ABCD3: variants seen among roughly 807,000 people sequenced by gnomAD.
The protein encoded by ABCD3 is ATP-binding cassette sub-family D member 3.
Under a neutral mutation model 105.5 loss-of-function variants are expected in ABCD3, and 41 were observed. That is an observed-to-expected ratio of 0.39 (90% CI 0.30 to 0.50). ABCD3 has a LOEUF of 0.50. ABCD3 is among the 20% of genes least tolerant of loss of function. The pLI, the probability that ABCD3 is intolerant of heterozygous loss-of-function variation, is 0.84. For missense variants in ABCD3, 622 were observed against 806.3 expected, an observed-to-expected ratio of 0.77 and a Z score of 2.77; for synonymous variants, 258 against 269.0, an observed-to-expected ratio of 0.96 and a Z score of 0.40.
At chr1:94,488,589 A>G (rs1269865436) in intron 13 of ABCD3, among the ~76,000 whole-genome samples, 2 of 152,064 alleles carry the variant, frequency 1.3e-5, no homozygotes, top group African/African-American at 4.8e-5. Flanking sequence ...AAGAAGTTTG[A>G]TGACTGAATA....
intron 1 of ABCD3, among the ~76,000 whole-genome samples, chr1:94,419,717 AG>A (rs1659182197): frequency 1.3e-5 from 2 of 152,140 alleles, no homozygotes; most frequent in Admixed American, 1.3e-4. Flanking sequence ...CTTTCCATTA[AG>A]TTCTTTCTAG....
At chr1:94,424,480 T>C (rs1659389570) in intron 1 of ABCD3, among the ~76,000 whole-genome samples, 1 of 152,150 alleles carries the variant, frequency 6.6e-6, no homozygotes, top group South Asian at 2.1e-4. Flanking sequence ...TGGAGTGTAA[T>C]GGCACCATCT....
At chr1:94,473,294 C>G (rs920976419) in intron 4 of ABCD3, among the ~76,000 whole-genome samples, 4 of 152,148 alleles carry the variant, frequency 2.6e-5, no homozygotes, top group Non-Finnish European at 5.9e-5. Flanking sequence ...TGCACAAAGC[C>G]TAAAATATTT....
the ABCD3 span, among the ~76,000 whole-genome samples, chr1:94,410,433 T>G: frequency 6.6e-6 from 1 of 152,252 alleles, no homozygotes; most frequent in Non-Finnish European, 1.5e-5. Flanking sequence ...TTATATTTTC[T>G]GTCTAAAATT....
At position 94,499,049 on chromosome 1, in the gene ABCD3, A is replaced by G. The variant is rs1160948613; in HGVS notation, c.1620+15A>G. 5 of 1,584,178 alleles carry G rather than the reference A, an allele frequency of 3.2e-6. No homozygotes were observed. The highest frequency in any genetic ancestry group is 1.1e-5 in the South Asian group (1 of 90,408). Reference sequence around the variant, plus strand: ...TTTCTGACCTAGTAAGGGAATGTTTATATCCTAGATCCACTGAAAATACTC... The same window carrying G: ...TTTCTGACCTAGTAAGGGAATGTTTGTATCCTAGATCCACTGAAAATACTC... On this transcript the variant is annotated intron_variant, in intron 19 of 22. Transcript: ENST00000370214.
chr1:94,404,896 GC>G, the ABCD3 span, among the ~76,000 whole-genome samples: 1 of 147,268 alleles, frequency 6.8e-6, no homozygotes, highest in East Asian at 2.0e-4. Context: ...CTGATATTGC[GC>G]CGCTGCACTG....
chr1:94,473,625 A>G (rs1257260165), intron 4 of ABCD3, 141 bp from the exon 5 acceptor site: 1 of 694,146 alleles, frequency 1.4e-6, no homozygotes, highest in African/African-American at 1.8e-5. Flanking sequence ...TTTTGCAAAA[A>G]AGTGGTTTTT....
rs113141233 is a variant in ABCD3, at chr1:94,460,353, A to G, written c.147+1710A>G. Among the ~76,000 whole-genome samples the G allele has an allele frequency of 9.3e-3, 1,414 of 152,224 alleles. 27 individuals carry two copies. Among genetic ancestry groups the G allele is most frequent in the African/African-American group, 0.033 (1,368 of 41,538 alleles). On this transcript the variant is annotated intron_variant, in intron 2 of 22. Transcript: ENST00000370214. Reference sequence around the variant, plus strand: ...AACTGCTGATAGTATTGACTATGTAAGGACCAAGGAGATTGCTCTGTGACA... The same window carrying G: ...AACTGCTGATAGTATTGACTATGTAGGGACCAAGGAGATTGCTCTGTGACA...
chr1:94,467,904 C>T lies in ABCD3; in HGVS notation c.247-15C>T. 1 of 1,573,468 alleles carries T rather than the reference C, an allele frequency of 6.4e-7. No individual in the cohort carries two copies. Among genetic ancestry groups the T allele is most frequent in the Non-Finnish European group, 8.7e-7 (1 of 1,143,994 alleles). Reference sequence around the variant, plus strand: ...AAATGCATGTATTTAATTTACTATACCTGGTTTATTTTAGACAGGTTACTT... The same window carrying T: ...AAATGCATGTATTTAATTTACTATATCTGGTTTATTTTAGACAGGTTACTT... On this transcript the variant is annotated splice_polypyrimidine_tract_variant and intron_variant, in intron 3 of 22. Transcript: ENST00000370214.
At chr1:94,392,411 G>C in the ABCD3 span, among the ~76,000 whole-genome samples, 2 of 152,354 alleles carry the variant, frequency 1.3e-5, no homozygotes, top group East Asian at 3.9e-4. Context: ...ACATGAGCAA[G>C]AAATTATGTG....
At chr1:94,483,483 A>T (rs189511903) in intron 10 of ABCD3, among the ~76,000 whole-genome samples, 5 of 152,324 alleles carry the variant, frequency 3.3e-5, no homozygotes, top group African/African-American at 1.2e-4. Context: ...AGATTTATTA[A>T]AATAATATTA....
chr1:94,466,572 C>T (rs998878216), intron 3 of ABCD3, among the ~76,000 whole-genome samples: 2 of 152,182 alleles, frequency 1.3e-5, no homozygotes, highest in African/African-American at 4.8e-5. Context: ...AACATCATGT[C>T]TGTGACATCC....
rs1439045726 is a variant in ABCD3 at position 94,486,945 on chromosome 1, A to C, written c.898-597A>C. On this transcript the variant is annotated intron_variant, in intron 10 of 22. Transcript: ENST00000370214. ...GGACCTTGAATAATCTGGTAGATGG[A>C]CAGTTTGAGAACACTACAACTCCAG... Among the ~76,000 whole-genome samples, 2 of 152,228 alleles carry C rather than the reference A, an allele frequency of 1.3e-5. 1 individual carries two copies. Among genetic ancestry groups the C allele is most frequent in the Non-Finnish European group, 2.9e-5 (2 of 68,038 alleles).
intron 21 of ABCD3, 69 bp from the exon 22 acceptor site, chr1:94,515,077 A>T: frequency 8.1e-7 from 1 of 1,236,070 alleles, no homozygotes; most frequent in Non-Finnish European, 1.2e-6. Context: ...TTAACAGCTT[A>T]AAGTACATGG....
chr1:94,505,371 ATTT>A (rs71097204), intron 20 of ABCD3, among the ~76,000 whole-genome samples: 44 of 118,834 alleles, frequency 3.7e-4, no homozygotes, highest in African/African-American at 8.6e-4. Context: ...TGCTTGGCTA[ATTT>A]TTTTTTTTTT....
the ABCD3 span, among the ~76,000 whole-genome samples, chr1:94,385,687 A>T: frequency 6.6e-6 from 1 of 152,192 alleles, no homozygotes; most frequent in Non-Finnish European, 1.5e-5. Flanking sequence ...AGAACTTTAC[A>T]TTTCAAAGCT....
chr1:94,507,039 T>C (rs1285566515), intron 21 of ABCD3, among the ~76,000 whole-genome samples: 1 of 152,112 alleles, frequency 6.6e-6, no homozygotes, highest in East Asian at 1.9e-4. Context: ...GTGCAAAATG[T>C]GCAGGTTAGT....
chr1:94,484,031 G>A lies in ABCD3; in HGVS notation c.897+792G>A, dbSNP rs952473565. ...AGACATTTATGCAGCCAACAGACAC[G>A]TGAAAAAATGCTCATCATCGCTGGC... On this transcript the variant is annotated intron_variant, in intron 10 of 22. Coordinates refer to ENST00000370214, the MANE Select transcript of ABCD3 (RefSeq NM_002858.4). 2.0e-5 allele frequency among the ~76,000 whole-genome samples: 3 copies of A among 152,124 alleles called. No homozygotes were observed. The East Asian group carries it at 5.8e-4, about 29-fold the overall frequency.
intron 1 of ABCD3, among the ~76,000 whole-genome samples, chr1:94,454,252 G>T (rs1428857751): frequency 6.6e-6 from 1 of 152,124 alleles, no homozygotes. Flanking sequence ...AAAGAGCATA[G>T]AGAGAGATTG....
Sources: gnomAD v4.1 joint callset for allele counts (sites outside exome capture counted in the v4.1 genomes callset) on GRCh38, gnomAD v4.1.1 for gene constraint, MANE v1.5 for transcripts, NCBI Gene and HGNC (gene_info 2026-07-23, HGNC 2026-07-21) for gene names.